Variants in PYGL observed in about 807,000 individuals in gnomAD.
PYGL encodes the protein glycogen phosphorylase L.
In PYGL, 90 loss-of-function variants were observed where a neutral mutation model predicts 100.1. The ratio of observed to expected loss-of-function variants is 0.90; its 90% confidence interval spans 0.76 to 1.07. The LOEUF is 1.07. Ranked by LOEUF, PYGL falls within the 50% of genes least tolerant of loss-of-function variation. The pLI, the probability that PYGL is intolerant of heterozygous loss-of-function variation, is 0.00. For synonymous variants in PYGL, 373 were observed against 393.0 expected (o/e 0.95, Z 0.60); for missense variants, 1,016 against 1,057.6 (o/e 0.96, Z 0.55).
At chr14:50,932,227 C>T (rs935574386) in intron 3 of PYGL, among the ~76,000 whole-genome samples, 1 of 152,172 alleles carries the variant, frequency 6.6e-6, no homozygotes, top group Non-Finnish European at 1.5e-5. Flanking sequence ...CTTCCAGCAA[C>T]TGACTGACAA....
At chr14:50,936,491 T>C (rs1229192190) in intron 2 of PYGL, among the ~76,000 whole-genome samples, 1 of 152,164 alleles carries the variant, frequency 6.6e-6, no homozygotes, top group Non-Finnish European at 1.5e-5. Context: ...ACTCAGAATT[T>C]TTAAATTCTA....
At position 50,912,275 on chromosome 14, in the gene PYGL, A is replaced by AG. The variant is rs529502292; in HGVS notation, c.1648dup (p.Leu550ProfsTer16). On this transcript the variant is annotated frameshift_variant, in exon 14 of 20. Transcript: ENST00000216392. LOFTEE classifies it high-confidence loss of function. Reference sequence around the variant, plus strand: ...GATCTTCACTTTGTACTCCGTCTCCAGGAACTGAGAAAACTTCAGCTTATT... The same window carrying AG: ...GATCTTCACTTTGTACTCCGTCTCCAGGGAACTGAGAAAACTTCAGCTTATT... 1.9e-6 allele frequency: 3 copies of AG among 1,614,148 alleles called. No individual in the cohort carries two copies. In the African/African-American group the frequency reaches 4.0e-5, roughly 22 times the overall value.
At chr14:50,917,236 T>G (rs1182074715) in intron 7 of PYGL, 131 bp from the exon 8 acceptor site, 11 of 1,003,628 alleles carry the variant, frequency 1.1e-5, no homozygotes, top group Non-Finnish European at 1.5e-6. Flanking sequence ...GTGGTTTGAA[T>G]GCCAAACTGT....
chr14:50,910,052 C>T lies in PYGL; in HGVS notation c.2020G>A (p.Ala674Thr), dbSNP rs1248587372. The change falls in exon 17 of 20, where the codon GCC becomes ACC. Residue 674 changes from alanine (A) to threonine (T), a missense_variant. Physicochemically the swap from Ala to Thr is moderately conservative, Grantham distance 58. Coordinates refer to ENST00000216392, the MANE Select transcript of PYGL (RefSeq NM_002863.5). Reference protein sequence around the residue: ...SEQISTAGTEASGTGNMKFML... With the variant: ...SEQISTAGTETSGTGNMKFML... ...AACTTCATATTGCCTGTCCCCGAGG[C>T]TTCGGTGCCTGCAGTGGAAATCTGC... 1 of 1,614,194 alleles carries T rather than the reference C, an allele frequency of 6.2e-7. No individual in the cohort carries two copies. The highest frequency in any genetic ancestry group is 8.5e-7 in the Non-Finnish European group (1 of 1,180,022).
At position 50,908,971 on chromosome 14, in the gene PYGL, G is replaced by T; in HGVS notation, c.2178-16C>A. 9 of 1,570,158 alleles carry T rather than the reference G, an allele frequency of 5.7e-6. No individual in the cohort carries two copies. The highest frequency in any genetic ancestry group is 3.3e-5 in the South Asian group (3 of 89,754). On this transcript the variant is annotated splice_polypyrimidine_tract_variant and intron_variant, in intron 17 of 19. Coordinates refer to ENST00000216392, the MANE Select transcript of PYGL (RefSeq NM_002863.5). ...TGCCTCGTACCTGTGGGGTAGGGGT[G>T]GGTGGGTGATAAAAAAAGGCTCTGT...
chr14:50,931,694 C>T lies in PYGL; in HGVS notation c.507G>A (p.Gln169=). 3.1e-6 allele frequency: 5 copies of T among 1,613,890 alleles called. No homozygotes were observed. Among genetic ancestry groups the T allele is most frequent in the Non-Finnish European group, 3.4e-6 (4 of 1,179,838 alleles). The stretch of plus-strand genomic sequence containing the variant: ...ACACCTGCCATCCATCTCGGATCTT[C>T]TGATTGAAAATCCCATATTCATACC... The part of the protein sequence containing the change: ...GIRYEYGIFN[Q]KIRDGWQVEE... Residue 169 remains glutamine (Q), a synonymous_variant, in exon 4 of 20, where the codon CAG becomes CAA. Transcript: ENST00000216392.
rs747350501 is a variant in PYGL at position 50,908,315 on chromosome 14, C to T, written c.2335G>A (p.Glu779Lys). 1.9e-5 allele frequency: 30 copies of T among 1,603,820 alleles called. No individual in the cohort carries two copies. In the South Asian group the frequency reaches 2.1e-4, roughly 11 times the overall value. ...TTATCTTGACACTTGACATAGGCTT[C>T]GTAGTCTGCAAAGACTTTAAACCTT... Reference protein sequence around the residue: ...HDRFKVFADYEAYVKCQDKVS... With the variant: ...HDRFKVFADYKAYVKCQDKVS... Residue 779 changes from glutamate (E) to lysine (K), a missense_variant, in exon 19 of 20, where the codon GAA becomes AAA. By Grantham distance (56) the Glu-to-Lys change is moderately conservative (BLOSUM62 1). Transcript: ENST00000216392.
Position 50,944,143 on chromosome 14 carries a change from C to A in PYGL, c.243+18G>T. On this transcript the variant is annotated intron_variant, in intron 1 of 19. Transcript: ENST00000216392. The stretch of plus-strand genomic sequence containing the variant: ...GACTCCGGGCTGGACCCCGGCCCGC[C>A]GTCCCGCCCCCGGTTACCTTGGGGC... 13 of 1,592,590 alleles carry A rather than the reference C, an allele frequency of 8.2e-6. No individual in the cohort carries two copies. The highest frequency in any genetic ancestry group is 1.1e-5 in the Non-Finnish European group (13 of 1,174,770).
chr14:50,911,596 G>T, intron 16 of PYGL, 134 bp downstream of exon 16: 2 of 1,150,072 alleles, frequency 1.7e-6, no homozygotes, highest in Non-Finnish European at 2.6e-6. Context: ...CTTACCGTAG[G>T]CCCTTATTCT....
At chr14:50,935,044 T>C (rs2050641717) in intron 3 of PYGL, 63 bp downstream of exon 3, 1 of 1,446,634 alleles carries the variant, frequency 6.9e-7, no homozygotes, top group Non-Finnish European at 9.7e-7. Context: ...AGCATGGTCA[T>C]GCATGGCATC....
chr14:50,940,742 A>T (rs1294658624), intron 1 of PYGL, among the ~76,000 whole-genome samples: 2 of 152,252 alleles, frequency 1.3e-5, no homozygotes, highest in East Asian at 3.8e-4. Context: ...CTAGTATTTT[A>T]TGTAAAAAGT....
At chr14:50,933,838 G>C (rs1419114900) in intron 3 of PYGL, among the ~76,000 whole-genome samples, 2 of 151,624 alleles carry the variant, frequency 1.3e-5, no homozygotes, top group Non-Finnish European at 2.9e-5. Context: ...CACACACACA[G>C]ACACATACAT....
At chr14:50,944,107 C>T in intron 1 of PYGL, 54 bp downstream of exon 1, 1 of 1,552,658 alleles carries the variant, frequency 6.4e-7, no homozygotes, top group Non-Finnish European at 8.7e-7. Flanking sequence ...CCGGCCGCGG[C>T]CGGAGACTCC....
chr14:50,923,871 C>T (rs2139182459), intron 5 of PYGL, 98 bp downstream of exon 5: 2 of 1,396,890 alleles, frequency 1.4e-6, no homozygotes, highest in East Asian at 2.3e-5. Context: ...CACGACATGC[C>T]CTATACTCAA....
Position 50,942,517 on chromosome 14 carries a change from T to A in PYGL, c.243+1644A>T, listed in dbSNP as rs1383565761. Among the ~76,000 whole-genome samples the A allele has an allele frequency of 4.3e-5, 6 of 140,024 alleles. 1 individual carries two copies. The highest frequency in any genetic ancestry group is 7.9e-5 in the Non-Finnish European group (5 of 63,572). The allele number at this position is 140,024 out of a possible 152,430, so 91.9% of individuals were successfully genotyped here. On this transcript the variant is annotated intron_variant, in intron 1 of 19. Coordinates refer to ENST00000216392, the MANE Select transcript of PYGL (RefSeq NM_002863.5). ...TGTACTTAGTAGCATTCCCTTTGTG[T>A]AAATAAATTTTTAAAAGATAGTGGC...
At chr14:50,910,416 T>G (rs2050382360) in intron 16 of PYGL, among the ~76,000 whole-genome samples, 1 of 152,220 alleles carries the variant, frequency 6.6e-6, no homozygotes, top group Non-Finnish European at 1.5e-5. Flanking sequence ...AGTTTTATTT[T>G]TATTTCTTCT....
intron 6 of PYGL, 73 bp from the exon 7 acceptor site, chr14:50,920,696 C>G: frequency 7.0e-7 from 1 of 1,427,006 alleles, no homozygotes; most frequent in South Asian, 1.2e-5. Context: ...ATCTCACTGG[C>G]TCTGTGCTGT....
chr14:50,910,256 C>G (rs552729969), intron 16 of PYGL, among the ~76,000 whole-genome samples, 154 bp from the exon 17 acceptor site: 42 of 152,324 alleles, frequency 2.8e-4, no homozygotes, highest in Non-Finnish European at 1.5e-5. Context: ...AGATCACACT[C>G]TTTCCCCTTG....
intron 10 of PYGL, 96 bp downstream of exon 10, chr14:50,915,729 A>G (rs1251736156): frequency 6.6e-7 from 1 of 1,513,956 alleles, no homozygotes; most frequent in Admixed American, 1.8e-5. Flanking sequence ...TGTATCAATG[A>G]TTGAAAGATG....
Sources: allele counts gnomAD v4.1 joint callset (sites outside exome capture counted in the v4.1 genomes callset), GRCh38; gene constraint gnomAD v4.1.1; transcripts MANE v1.5; gene names NCBI Gene and HGNC (gene_info 2026-07-23, HGNC 2026-07-21).